The following PEX5L variants were observed in gnomAD, a reference collection of about 807,000 sequenced individuals.
PEX5L encodes the protein PEX5-related protein.
A neutral mutation model predicts 84.0 loss-of-function variants in PEX5L; 30 were observed. That is an observed-to-expected ratio of 0.36 (90% CI 0.27 to 0.48). The LOEUF (loss-of-function observed/expected upper bound fraction) is 0.48. Ranked by LOEUF, PEX5L falls within the 20% of genes least tolerant of loss-of-function variation. The pLI is 0.99. For synonymous variants in PEX5L, 270 were observed against 283.1 expected (o/e 0.95, Z 0.46); for missense variants, 533 against 754.6 (o/e 0.71, Z 3.44).
At chr3:179,905,670 CGAT>C (rs1222127216) in intron 2 of PEX5L, among the ~76,000 whole-genome samples, 2 of 151,354 alleles carry the variant, frequency 1.3e-5, no homozygotes, top group Non-Finnish European at 2.9e-5. Flanking sequence ...TTTTTCCTGA[CGAT>C]GCAGTTGGTC....
chr3:179,879,181 T>G (rs937901757), intron 5 of PEX5L, among the ~76,000 whole-genome samples: 6 of 152,230 alleles, frequency 3.9e-5, no homozygotes, highest in Admixed American at 6.5e-5. Context: ...CTCTTGGCTT[T>G]CTAAGATACC....
chr3:179,904,806 C>T (rs190636992), intron 2 of PEX5L, among the ~76,000 whole-genome samples: 7 of 152,178 alleles, frequency 4.6e-5, no homozygotes, highest in Non-Finnish European at 1.0e-4. Flanking sequence ...GGCCCTTCTC[C>T]TTCTGAGTTG....
intron 13 of PEX5L, among the ~76,000 whole-genome samples, 194 bp downstream of exon 13, chr3:179,808,078 A>G (rs1187625164): frequency 6.6e-6 from 1 of 152,220 alleles, no homozygotes; most frequent in Admixed American, 6.5e-5. Context: ...TATTTTAGGT[A>G]TTTCAATATT....
At chr3:180,010,246 C>CTTTTTTTTTTTTTTTTTTTTTTT (rs1178375452) in intron 1 of PEX5L, among the ~76,000 whole-genome samples, 19 of 105,154 alleles carry the variant, frequency 1.8e-4, no homozygotes, top group African/African-American at 3.5e-4. Context: ...CACCCGGCCT[C>CTTTTTTTTTTTTTTTTTTTTTTT]TTTTTTTTTT....
chr3:179,834,076 G>A, intron 8 of PEX5L, among the ~76,000 whole-genome samples: 1 of 152,184 alleles, frequency 6.6e-6, no homozygotes. Flanking sequence ...CTGGGCTCAA[G>A]CGATCCTCTC....
chr3:180,030,419 C>G (rs1265526958), intron 1 of PEX5L, among the ~76,000 whole-genome samples: 1 of 152,170 alleles, frequency 6.6e-6, no homozygotes. Context: ...TTACCTTACC[C>G]TAACTTAACA....
chr3:179,880,136 G>T lies in PEX5L; in HGVS notation c.311-13C>A, dbSNP rs1251349402. The T allele has an allele frequency of 6.4e-7, 1 of 1,563,890 alleles. No homozygotes were observed. Among genetic ancestry groups the T allele is most frequent in the East Asian group, 2.2e-5 (1 of 44,622 alleles). ...CCAGTGGTCAATACTACCAGAAATGGAAGAGGTTAAGATAAGCCCATTTAC... is the reference window on the plus strand; with the variant it reads ...CCAGTGGTCAATACTACCAGAAATGTAAGAGGTTAAGATAAGCCCATTTAC... On this transcript the variant is annotated splice_polypyrimidine_tract_variant and intron_variant, in intron 4 of 14. Coordinates refer to ENST00000467460, the MANE Select transcript of PEX5L (RefSeq NM_016559.3).
At chr3:179,899,610 A>G (rs1760618946) in intron 2 of PEX5L, among the ~76,000 whole-genome samples, 1 of 152,134 alleles carries the variant, frequency 6.6e-6, no homozygotes. Context: ...AACATTATCC[A>G]TTTTCTCAGG....
chr3:180,030,480 T>C (rs888516767), intron 1 of PEX5L, among the ~76,000 whole-genome samples: 6 of 152,210 alleles, frequency 3.9e-5, no homozygotes, highest in African/African-American at 1.2e-4. Context: ...CTTTCCTAAA[T>C]AGCCAGCCCT....
Position 179,819,838 on chromosome 3 carries a change from GTATAGGAACAGAA to G in PEX5L, c.939+9_939+21del, listed in dbSNP as rs768386763. On this transcript the variant is annotated intron_variant, in intron 9 of 14. Coordinates refer to ENST00000467460, the MANE Select transcript of PEX5L (RefSeq NM_016559.3). Reference sequence around the variant, plus strand: ...AAAGGTGGAGAAAAGTAGTCAGCATGTATAGGAACAGAATTGGTTACCTTCTCACTAGCCGAGA... The same window carrying G: ...AAAGGTGGAGAAAAGTAGTCAGCATGTTGGTTACCTTCTCACTAGCCGAGA... 1 of 1,608,876 alleles carries G rather than the reference GTATAGGAACAGAA, an allele frequency of 6.2e-7. No individual in the cohort carries two copies. The highest frequency in any genetic ancestry group is 2.2e-5 in the East Asian group (1 of 44,842).
At chr3:179,989,622 T>C (rs1333169031) in intron 1 of PEX5L, among the ~76,000 whole-genome samples, 1 of 152,234 alleles carries the variant, frequency 6.6e-6, no homozygotes, top group Non-Finnish European at 1.5e-5. Flanking sequence ...TTGTAATTTA[T>C]ATCATTTGTA....
In PEX5L at chr3:179,820,392, G is replaced by A. The variant is rs577917021; in HGVS notation, c.823-416C>T. The A allele has an allele frequency of 9.4e-5, 16 of 171,078 alleles. No individual in the cohort carries two copies. The South Asian group carries it at 2.0e-3, about 22-fold the overall frequency. 10.6% of individuals were successfully genotyped at this position (171,078 alleles called of 1,614,324 possible). A position where few individuals can be genotyped will look rare whatever the true frequency, so the allele number is the denominator to read the frequency against. On this transcript the variant is annotated intron_variant, in intron 8 of 14. Transcript: ENST00000467460. The stretch of plus-strand genomic sequence containing the variant: ...TGGGAGGACAGCCAGGTATGGACAA[G>A]AGAATGAAACATTAGTTGATCCTAC...
chr3:180,024,975 A>C (rs1401982438), intron 1 of PEX5L, among the ~76,000 whole-genome samples: 1 of 152,320 alleles, frequency 6.6e-6, no homozygotes, highest in East Asian at 1.9e-4. Flanking sequence ...ATACAGTTAG[A>C]AACCATTAGA....
At chr3:180,028,951 G>T (rs958526286) in intron 1 of PEX5L, among the ~76,000 whole-genome samples, 24 of 152,158 alleles carry the variant, frequency 1.6e-4, no homozygotes, top group Admixed American at 1.4e-3. Context: ...TTAATATAAA[G>T]AAGCTAATGC....
intron 4 of PEX5L, among the ~76,000 whole-genome samples, chr3:179,883,341 A>C (rs1359632830): frequency 6.6e-6 from 1 of 152,202 alleles, no homozygotes; most frequent in South Asian, 2.1e-4. Flanking sequence ...TTTCCAGCTC[A>C]GTTGCTTCTG....
At chr3:180,009,307 T>A (rs777876593) in intron 1 of PEX5L, among the ~76,000 whole-genome samples, 1 of 152,216 alleles carries the variant, frequency 6.6e-6, no homozygotes, top group African/African-American at 2.4e-5. Flanking sequence ...TCTATCTTGT[T>A]ACACGTCCTC....
At position 179,802,026 on chromosome 3, in the gene PEX5L, C is replaced by A. The variant is rs753365323; in HGVS notation, c.1683G>T (p.Ala561=). The A allele has an allele frequency of 1.9e-6, 3 of 1,609,226 alleles. No homozygotes were observed. Among genetic ancestry groups the A allele is most frequent in the South Asian group, 2.2e-5 (2 of 90,958 alleles). Residue 561 remains alanine (A), a synonymous_variant, in exon 15 of 15, where the codon GCG becomes GCT. Transcript: ENST00000467460. ...TGAGGGCAGTGAGAAAATTGCTGAC[C>A]GCTTCTCTAAGAAGGTAGAAAAACA... ...SCINLGAYRE[A]VSNFLTALSL...
intron 8 of PEX5L, among the ~76,000 whole-genome samples, chr3:179,839,756 G>A (rs1286923289): frequency 1.3e-5 from 2 of 152,028 alleles, no homozygotes; most frequent in Non-Finnish European, 2.9e-5. Flanking sequence ...TCCAGTCCAG[G>A]GGAAGGATAT....
At chr3:179,867,846 C>T (rs1287986763) in intron 7 of PEX5L, among the ~76,000 whole-genome samples, 1 of 152,014 alleles carries the variant, frequency 6.6e-6, no homozygotes, top group Non-Finnish European at 1.5e-5. Context: ...TACAAAGATT[C>T]TGGAATAAAG....
Sources: gnomAD v4.1 joint callset for allele counts (sites outside exome capture counted in the v4.1 genomes callset) on GRCh38, gnomAD v4.1.1 for gene constraint, MANE v1.5 for transcripts, NCBI Gene and HGNC (gene_info 2026-07-23, HGNC 2026-07-21) for gene names.